The following DNAJC6 variants were observed in gnomAD, a reference collection of about 807,000 sequenced individuals.
DNAJC6 encodes the protein DnaJ heat shock protein family (Hsp40) member C6.
DNAJC6 carries 34 observed loss-of-function variants against 110.0 expected under a neutral mutation model. The ratio of observed to expected loss-of-function variants is 0.31; its 90% CI spans 0.24 to 0.41. The LOEUF is 0.41. DNAJC6 is among the 10% of genes least tolerant of loss of function. The pLI is 1.00. For missense variants in DNAJC6, 1,031 were observed against 1,207.8 expected (o/e 0.85, Z 2.17); for synonymous variants, 406 against 437.2 (o/e 0.93, Z 0.89).
chr1:65,291,028 A>G (rs1452591535), intron 1 of DNAJC6, among the ~76,000 whole-genome samples: 2 of 152,180 alleles, frequency 1.3e-5, no homozygotes, highest in Non-Finnish European at 2.9e-5. Flanking sequence ...GTTTCAAATT[A>G]TTGAATTTTT....
At chr1:65,274,556 A>G (rs1653603401) in intron 1 of DNAJC6, among the ~76,000 whole-genome samples, 1 of 152,192 alleles carries the variant, frequency 6.6e-6, no homozygotes, top group African/African-American at 2.4e-5. Context: ...ACCTCAGGTG[A>G]TCCACTCACC....
intron 1 of DNAJC6, among the ~76,000 whole-genome samples, chr1:65,277,916 T>TGG (rs1336621339): frequency 6.6e-6 from 1 of 152,184 alleles, no homozygotes; most frequent in African/African-American, 2.4e-5. Flanking sequence ...ACAGATAAGC[T>TGG]TGCCCTACAG....
intron 4 of DNAJC6, among the ~76,000 whole-genome samples, chr1:65,369,504 G>A (rs1002945209): frequency 6.6e-6 from 1 of 152,154 alleles, no homozygotes; most frequent in African/African-American, 2.4e-5. Flanking sequence ...TTTAATAAAT[G>A]TTGATGGTAG....
chr1:65,394,714 G>A (rs1008702647), intron 12 of DNAJC6, among the ~76,000 whole-genome samples, 184 bp from the exon 13 acceptor site: 8 of 152,160 alleles, frequency 5.3e-5, no homozygotes, highest in African/African-American at 1.9e-4. Context: ...GGGCAGATTA[G>A]CCTTGTGTAG....
chr1:65,384,078 C>G, intron 5 of DNAJC6, 115 bp from the exon 6 acceptor site: 1 of 1,243,486 alleles, frequency 8.0e-7, no homozygotes, highest in South Asian at 2.9e-5. Flanking sequence ...GAAAAGCACC[C>G]ACAGTTAAGA....
chr1:65,369,385 C>A (rs1235236770), intron 4 of DNAJC6, among the ~76,000 whole-genome samples: 1 of 152,204 alleles, frequency 6.6e-6, no homozygotes, highest in Non-Finnish European at 1.5e-5. Flanking sequence ...CTCATTGTTG[C>A]ATGACTTAGA....
upstream of DNAJC6, among the ~76,000 whole-genome samples, chr1:65,305,519 A>G (rs537043442): frequency 1.3e-5 from 2 of 152,218 alleles, no homozygotes; most frequent in Non-Finnish European, 2.9e-5. Context: ...TACAGCATAT[A>G]GTTTAAATCA....
intron 1 of DNAJC6, among the ~76,000 whole-genome samples, chr1:65,289,605 T>C (rs1654132105): frequency 6.6e-6 from 1 of 152,190 alleles, no homozygotes; most frequent in South Asian, 2.1e-4. Context: ...ATTGGGTATT[T>C]GTATGTAGTC....
chr1:65,408,490 C>A, intron 16 of DNAJC6, 151 bp from the exon 17 acceptor site: 1 of 810,044 alleles, frequency 1.2e-6, no homozygotes, highest in Non-Finnish European at 2.0e-6. Context: ...ATGCAACAGT[C>A]TCTTACCCTA....
chr1:65,297,962 C>A (rs78465014), intron 1 of DNAJC6, among the ~76,000 whole-genome samples: 4,747 of 152,114 alleles, frequency 0.031, 267 homozygotes, highest in African/African-American at 0.11. Flanking sequence ...CCCACTTTAA[C>A]CCCCTATGAT....
upstream of DNAJC6, chr1:65,309,537 C>T: frequency 8.3e-7 from 1 of 1,203,764 alleles, no homozygotes; most frequent in East Asian, 4.4e-5. Context: ...CTCCTCCCGG[C>T]GCCCCGAGCC....
At chr1:65,303,329 T>C (rs1645006773) in intron 1 of DNAJC6, among the ~76,000 whole-genome samples, 1 of 152,230 alleles carries the variant, frequency 6.6e-6, no homozygotes, top group East Asian at 1.9e-4. Context: ...ATTCTCAGAC[T>C]AATATACGGT....
At chr1:65,399,197 C>G (rs557662823) in intron 14 of DNAJC6, among the ~76,000 whole-genome samples, 1 of 152,240 alleles carries the variant, frequency 6.6e-6, no homozygotes, top group Admixed American at 6.5e-5. Flanking sequence ...GTCTGAGCCT[C>G]AGTTTTCTTA....
At chr1:65,394,218 G>C (rs1362628650) in intron 12 of DNAJC6, among the ~76,000 whole-genome samples, 2 of 152,180 alleles carry the variant, frequency 1.3e-5, no homozygotes, top group Non-Finnish European at 2.9e-5. Context: ...TTAGACATCA[G>C]TTAATTCTCT....
At chr1:65,371,458 A>T (rs373927867) in intron 4 of DNAJC6, among the ~76,000 whole-genome samples, 1 of 152,176 alleles carries the variant, frequency 6.6e-6, no homozygotes, top group South Asian at 2.1e-4. Flanking sequence ...GTCATCATGC[A>T]GTAAGTAGTA....
At chr1:65,313,466 T>C (rs1645120939) in intron 1 of DNAJC6, among the ~76,000 whole-genome samples, 1 of 152,196 alleles carries the variant, frequency 6.6e-6, no homozygotes, top group South Asian at 2.1e-4. Context: ...TTTTCTTTAC[T>C]TTGTATCTTG....
intron 1 of DNAJC6, among the ~76,000 whole-genome samples, chr1:65,287,099 T>C (rs565012439): frequency 6.6e-6 from 1 of 152,150 alleles, no homozygotes; most frequent in Non-Finnish European, 1.5e-5. Context: ...AGTGAGTGAG[T>C]GAAGGAATGA....
chr1:65,397,144 C>A (rs929419158), intron 13 of DNAJC6, among the ~76,000 whole-genome samples: 3 of 152,088 alleles, frequency 2.0e-5, no homozygotes, highest in Admixed American at 2.0e-4. Context: ...ATTGTACTAG[C>A]GAGTGGAAAG....
chr1:65,383,377 C>T (rs569117656), intron 5 of DNAJC6, among the ~76,000 whole-genome samples: 2 of 152,222 alleles, frequency 1.3e-5, no homozygotes, highest in African/African-American at 4.8e-5. Flanking sequence ...AGGCTGGTCT[C>T]GACCTCCTGA....
Sources: gnomAD v4.1 joint callset for allele counts (sites outside exome capture counted in the v4.1 genomes callset) on GRCh38, gnomAD v4.1.1 for gene constraint, MANE v1.5 for transcripts, NCBI Gene and HGNC (gene_info 2026-07-23, HGNC 2026-07-21) for gene names.